NFIA: variants seen among roughly 807,000 people sequenced by gnomAD.
NFIA encodes nuclear factor I A, also known as nuclear factor 1 A-type.
NFIA carries 8 observed loss-of-function variants against 62.8 expected under a neutral mutation model. That is an observed-to-expected ratio of 0.13 (90% CI 0.07 to 0.23). The LOEUF is 0.23. Among genes scored for constraint, NFIA ranks in the 10% least tolerant of loss-of-function variants. NFIA has a pLI of 1.00. For synonymous variants in NFIA, 235 were observed against 238.1 expected, an observed-to-expected ratio of 0.99 and a Z score of 0.12; for missense variants, 410 against 642.1, an observed-to-expected ratio of 0.64 and a Z score of 3.91.
At chr1:61,322,666 G>T (rs1660737243) in intron 3 of NFIA, among the ~76,000 whole-genome samples, 1 of 149,140 alleles carries the variant, frequency 6.7e-6, no homozygotes, top group Non-Finnish European at 1.5e-5. Flanking sequence ...ACGTATATGT[G>T]TGACAAACAG....
intron 4 of NFIA, among the ~76,000 whole-genome samples, chr1:61,334,529 G>T (rs1042472445): frequency 1.3e-4 from 5 of 39,878 alleles, no homozygotes; most frequent in Non-Finnish European, 2.4e-4. Flanking sequence ...TTGTGTGTGT[G>T]TATATATGTG....
rs115007279 is a variant in NFIA at position 61,350,841 on chromosome 1, A to G, written c.701-1609A>G. Among the ~76,000 whole-genome samples, 395 of 152,094 alleles carry G rather than the reference A, an allele frequency of 2.6e-3. 3 individuals carry two copies. Among genetic ancestry groups the G allele is most frequent in the African/African-American group, 9.2e-3 (380 of 41,500 alleles). On this transcript the variant is annotated intron_variant, in intron 4 of 10. Coordinates refer to ENST00000403491, the MANE Select transcript of NFIA (RefSeq NM_001134673.4). ...GCATAATTCCTCCTTTCCTTTTAACATTGTTTCCAGGCTTCACGTTTTCTG... is the reference window on the plus strand; with the variant it reads ...GCATAATTCCTCCTTTCCTTTTAACGTTGTTTCCAGGCTTCACGTTTTCTG...
At chr1:61,128,945 C>T (rs1333189782) in intron 2 of NFIA, among the ~76,000 whole-genome samples, 2 of 67,136 alleles carry the variant, frequency 3.0e-5, no homozygotes, top group African/African-American at 5.6e-5. Flanking sequence ...TTTTTTGAGA[C>T]GGAGTCTTGC....
rs1044314047 is a variant in NFIA, at chr1:61,460,764, C to A, written c.*5444C>A. 2 of 152,134 alleles carry A rather than the reference C, an allele frequency of 1.3e-5. No homozygotes were observed. Among genetic ancestry groups the A allele is most frequent in the Non-Finnish European group, 2.9e-5 (2 of 68,040 alleles). 9.4% of individuals were successfully genotyped at this position (152,134 alleles called of 1,614,324 possible). A position where few individuals can be genotyped will look rare whatever the true frequency, so the allele number is the denominator to read the frequency against. On this transcript the variant is annotated 3_prime_UTR_variant, in exon 11 of 11. Coordinates refer to ENST00000403491, the MANE Select transcript of NFIA (RefSeq NM_001134673.4). ...AGCCTTCGCTGTCTGTCAGTCAGGA[C>A]CTTCTGGTATAGGTGATGTAAAATA...
At chr1:61,335,186 CTGTT>C (rs1301092845) in intron 4 of NFIA, among the ~76,000 whole-genome samples, 2 of 152,226 alleles carry the variant, frequency 1.3e-5, no homozygotes, top group African/African-American at 2.4e-5. Context: ...CTGACGGAAA[CTGTT>C]TGGCAAGAGT....
upstream of NFIA, chr1:61,082,009 C>A (rs1294819009): frequency 1.9e-6 from 3 of 1,549,220 alleles, no homozygotes; most frequent in East Asian, 7.3e-5. Flanking sequence ...CCGGGGGGTG[C>A]GGGGCAACCT....
intron 2 of NFIA, among the ~76,000 whole-genome samples, chr1:61,264,617 C>CTCCA (rs1380473175): frequency 7.3e-6 from 1 of 136,570 alleles, no homozygotes; most frequent in East Asian, 2.1e-4. Context: ...CACCATTGCA[C>CTCCA]TCCAGCCTGG....
rs528240220 is a variant in NFIA at position 61,413,032 on chromosome 1, T to TA, written c.1420+6309dup. 2.0e-5 allele frequency among the ~76,000 whole-genome samples: 3 copies of TA among 152,244 alleles called. No homozygotes were observed. The South Asian group carries it at 6.2e-4, about 32-fold the overall frequency. ...AACACTTTTGAATTATGATGGAAGATAAAACATGCATATTTTTTTAATTAA... is the reference window on the plus strand; with the variant it reads ...AACACTTTTGAATTATGATGGAAGATAAAAACATGCATATTTTTTTAATTAA... On this transcript the variant is annotated intron_variant, in intron 9 of 10. Coordinates refer to ENST00000403491, the MANE Select transcript of NFIA (RefSeq NM_001134673.4).
intron 7 of NFIA, among the ~76,000 whole-genome samples, chr1:61,395,078 G>A (rs890179106): frequency 7.2e-5 from 11 of 152,134 alleles, no homozygotes; most frequent in Non-Finnish European, 1.5e-4. Context: ...CTGCCCTCCA[G>A]CCTGGGCGAC....
intron 2 of NFIA, among the ~76,000 whole-genome samples, chr1:61,140,435 C>T (rs1456255092): frequency 6.6e-6 from 1 of 151,492 alleles, no homozygotes; most frequent in African/African-American, 2.4e-5. Context: ...TTATAAAATG[C>T]AAATTTTGTA....
intron 9 of NFIA, 79 bp downstream of exon 9, chr1:61,406,806 C>T (rs555689169): frequency 1.4e-6 from 2 of 1,402,244 alleles, no homozygotes; most frequent in South Asian, 3.2e-5. Context: ...TTGTCCCTCA[C>T]TGTATAGGCT....
chr1:61,288,786 C>T (rs892114874), intron 3 of NFIA, among the ~76,000 whole-genome samples: 13 of 152,076 alleles, frequency 8.5e-5, no homozygotes, highest in Non-Finnish European at 1.9e-4. Flanking sequence ...TTGGAAGAAT[C>T]CCAGAGCTCT....
intron 5 of NFIA, among the ~76,000 whole-genome samples, chr1:61,358,125 A>T (rs538814686): frequency 6.6e-6 from 1 of 152,160 alleles, no homozygotes; most frequent in East Asian, 1.9e-4. Flanking sequence ...TAATCTTTGC[A>T]TAGAGAAAGC....
intron 2 of NFIA, among the ~76,000 whole-genome samples, chr1:61,220,624 G>A (rs145168783): frequency 2.0e-4 from 30 of 152,260 alleles, no homozygotes; most frequent in African/African-American, 7.0e-4. Context: ...AAATTGTAAC[G>A]CTGGGAACAG....
At chr1:61,230,616 T>A (rs1654615581) in intron 2 of NFIA, among the ~76,000 whole-genome samples, 1 of 152,186 alleles carries the variant, frequency 6.6e-6, no homozygotes, top group Non-Finnish European at 1.5e-5. Flanking sequence ...ATTACACTAC[T>A]GCCAGAGTGA....
chr1:61,170,492 G>T (rs766040318), intron 2 of NFIA, among the ~76,000 whole-genome samples: 2 of 152,148 alleles, frequency 1.3e-5, no homozygotes, highest in Non-Finnish European at 2.9e-5. Flanking sequence ...CTTGGGAGGT[G>T]CTCACAGTCG....
chr1:61,386,814 T>C (rs950864480), intron 7 of NFIA, among the ~76,000 whole-genome samples: 3 of 152,130 alleles, frequency 2.0e-5, no homozygotes, highest in African/African-American at 7.2e-5. Flanking sequence ...CAGAACACCA[T>C]AGACTGGGTG....
At chr1:61,374,281 G>T (rs904113253) in intron 6 of NFIA, among the ~76,000 whole-genome samples, 1 of 152,022 alleles carries the variant, frequency 6.6e-6, no homozygotes, top group Non-Finnish European at 1.5e-5. Context: ...CTGTGAATGC[G>T]TATAATTGCT....
At chr1:61,081,576 C>T (rs1009621493), upstream of NFIA, among the ~76,000 whole-genome samples, 1 of 152,174 alleles carries the variant, frequency 6.6e-6, no homozygotes, top group Non-Finnish European at 1.5e-5. Flanking sequence ...AAAGATGTCA[C>T]AGCTAAACCA....
Sources: allele counts gnomAD v4.1 joint callset (sites outside exome capture counted in the v4.1 genomes callset), GRCh38; gene constraint gnomAD v4.1.1; transcripts MANE v1.5; gene names NCBI Gene and HGNC (gene_info 2026-07-23, HGNC 2026-07-21).